Variants in PDE3A observed in about 807,000 individuals in gnomAD.
PDE3A encodes cGMP-inhibited 3',5'-cyclic phosphodiesterase 3A.
A neutral mutation model predicts 98.3 loss-of-function variants in PDE3A; 43 were observed. The ratio of observed to expected loss-of-function variants is 0.44; its 90% CI spans 0.34 to 0.56. The LOEUF (loss-of-function observed/expected upper bound fraction) is 0.56. Among genes scored for constraint, PDE3A ranks in the 20% least tolerant of loss-of-function variants. The probability of loss-of-function intolerance (pLI) is 0.01; values close to 1 mark genes in which losing one functional copy is unlikely to be tolerated. For missense variants in PDE3A, 1,427 were observed against 1,440.7 expected, an observed-to-expected ratio of 0.99 and a Z score of 0.15; for synonymous variants, 663 against 567.9, an observed-to-expected ratio of 1.17 and a Z score of -2.38.
At position 20,441,131 on chromosome 12, in the gene PDE3A, G is replaced by A. The variant is rs187107177; in HGVS notation, c.960+70887G>A. Among the ~76,000 whole-genome samples, 295 of 152,238 alleles carry A rather than the reference G, an allele frequency of 1.9e-3. 3 individuals carry two copies. Among genetic ancestry groups the A allele is most frequent in the African/African-American group, 6.8e-3 (281 of 41,550 alleles). On this transcript the variant is annotated intron_variant, in intron 1 of 15. Coordinates refer to ENST00000359062, the MANE Select transcript of PDE3A (RefSeq NM_000921.5). The stretch of plus-strand genomic sequence containing the variant: ...ACATAAGAAGTAATACTGGTTAAAG[G>A]AAAATAGAACATAATTGAGAAAAAT...
At chr12:20,424,349 C>T (rs372766159) in intron 1 of PDE3A, among the ~76,000 whole-genome samples, 35 of 152,144 alleles carry the variant, frequency 2.3e-4, no homozygotes, top group African/African-American at 7.7e-4. Context: ...TCTTTACCTC[C>T]CCACTGCCCT....
chr12:20,434,460 A>G (rs1202916359), intron 1 of PDE3A, among the ~76,000 whole-genome samples: 4 of 152,128 alleles, frequency 2.6e-5, no homozygotes, highest in Non-Finnish European at 5.9e-5. Context: ...ATGTTTTTAG[A>G]GAGTGTTTGC....
chr12:20,629,576 T>G (rs1321273180), intron 5 of PDE3A, among the ~76,000 whole-genome samples: 1 of 152,202 alleles, frequency 6.6e-6, no homozygotes, highest in Non-Finnish European at 1.5e-5. Flanking sequence ...TTTTAACTAT[T>G]ATTTCCATGT....
Position 20,552,669 on chromosome 12 carries a change from G to GAGC in PDE3A, c.961-3987_961-3985dup. The GAGC allele has an allele frequency of 6.2e-7, 1 of 1,614,008 alleles. No homozygotes were observed. The highest frequency in any genetic ancestry group is 1.6e-4 in the Middle Eastern group (1 of 6,062). On this transcript the variant is annotated intron_variant, in intron 1 of 15. Coordinates refer to ENST00000359062, the MANE Select transcript of PDE3A (RefSeq NM_000921.5). This position sits in a 1 kb window ranked among gnomAD's most constrained non-coding sequence, Gnocchi z 5.1. ...AGCCCTACAGTCTCACGGCCCAGCA[G>GAGC]AGCAGCCTCATCAGAGAGGACAAGA...
intron 1 of PDE3A, among the ~76,000 whole-genome samples, chr12:20,406,198 G>A (rs1260617006): frequency 1.3e-5 from 2 of 152,194 alleles, no homozygotes; most frequent in Non-Finnish European, 2.9e-5. Context: ...AAACATGGGA[G>A]GGCAGATATC....
chr12:20,432,633 A>C (rs1317980402), intron 1 of PDE3A, among the ~76,000 whole-genome samples: 1 of 152,174 alleles, frequency 6.6e-6, no homozygotes, highest in African/African-American at 2.4e-5. Flanking sequence ...AGGTCAAAAA[A>C]AGAGGAAGAG....
At chr12:20,543,711 T>G (rs944260551) in intron 1 of PDE3A, among the ~76,000 whole-genome samples, 1 of 152,038 alleles carries the variant, frequency 6.6e-6, no homozygotes, top group Non-Finnish European at 1.5e-5. Flanking sequence ...TAGAAAGTCA[T>G]AATATATATC....
At chr12:20,380,320 C>T (rs986461749) in intron 1 of PDE3A, among the ~76,000 whole-genome samples, 1 of 151,866 alleles carries the variant, frequency 6.6e-6, no homozygotes, top group Non-Finnish European at 1.5e-5. Context: ...CTAGTTCCAT[C>T]ATGTGGAATG....
At chr12:20,615,054 C>A (rs1382293201) in intron 3 of PDE3A, among the ~76,000 whole-genome samples, 9 of 95,292 alleles carry the variant, frequency 9.4e-5, no homozygotes, top group African/African-American at 2.0e-4. Flanking sequence ...CGGAGTCTTA[C>A]TCTGTTGCTC....
chr12:20,668,200 G>A (rs1191995744), intron 15 of PDE3A, among the ~76,000 whole-genome samples: 5 of 152,110 alleles, frequency 3.3e-5, no homozygotes, highest in African/African-American at 4.8e-5. Flanking sequence ...AGGGTCCTAC[G>A]CCCACAGAGT....
intron 1 of PDE3A, among the ~76,000 whole-genome samples, chr12:20,408,822 T>C (rs142765593): frequency 5.1e-4 from 77 of 152,362 alleles, no homozygotes; most frequent in African/African-American, 1.8e-3. Context: ...AATGCCATGA[T>C]AATATTAAGC....
rs147897369 is a variant in PDE3A, at chr12:20,522,293, A to C, written c.961-34367A>C. ...GTGTTTTTCAAAGTGTGGTTCCCAG[A>C]TCATTAGTATCAGTGTGCTGGGAAT... On this transcript the variant is annotated intron_variant, in intron 1 of 15. Coordinates refer to ENST00000359062, the MANE Select transcript of PDE3A (RefSeq NM_000921.5). Among the ~76,000 whole-genome samples the C allele has an allele frequency of 5.8e-3, 886 of 152,260 alleles. 9 individuals are homozygous for C. Among genetic ancestry groups the C allele is most frequent in the African/African-American group, 0.02 (833 of 41,536 alleles).
intron 15 of PDE3A, among the ~76,000 whole-genome samples, chr12:20,664,329 C>T (rs1454405664): frequency 6.6e-6 from 1 of 152,122 alleles, no homozygotes; most frequent in Non-Finnish European, 1.5e-5. Flanking sequence ...AGTCTAAAAT[C>T]GTCACTTAGA....
At chr12:20,379,404 G>A (rs146092143) in intron 1 of PDE3A, among the ~76,000 whole-genome samples, 113 of 151,918 alleles carry the variant, frequency 7.4e-4, no homozygotes, top group African/African-American at 2.6e-3. Flanking sequence ...CTCTCAGGAA[G>A]TTTGGAAGGG....
Position 20,616,295 on chromosome 12 carries a change from C to G in PDE3A, c.1335C>G (p.Thr445=), listed in dbSNP as rs565901497. The change falls in exon 4 of 16, where the codon ACC becomes ACG. Residue 445 remains threonine (T), a synonymous_variant. Coordinates refer to ENST00000359062, the MANE Select transcript of PDE3A (RefSeq NM_000921.5). ...TTTCTTCCACTTGGACCACCACCAC[C>G]TCGGCCACAGGTCTACCCACCTTGG... ...RRVSSTWTTT[T]SATGLPTLEP... The G allele has an allele frequency of 8.1e-6, 13 of 1,614,050 alleles. No individual in the cohort carries two copies. In the South Asian group the frequency reaches 1.3e-4, roughly 16 times the overall value.
chr12:20,475,751 T>C (rs920792835), intron 1 of PDE3A, among the ~76,000 whole-genome samples: 4 of 152,064 alleles, frequency 2.6e-5, no homozygotes, highest in Admixed American at 1.3e-4. Flanking sequence ...AATCTTGGTA[T>C]GTAATGAACA....
intron 1 of PDE3A, among the ~76,000 whole-genome samples, chr12:20,397,328 A>T (rs1480927330): frequency 2.0e-5 from 3 of 152,048 alleles, no homozygotes; most frequent in Non-Finnish European, 4.4e-5. Flanking sequence ...AGTGCTAGAC[A>T]TGGTATCATG....
chr12:20,675,595 G>A (rs1057360071), intron 15 of PDE3A, among the ~76,000 whole-genome samples: 1 of 152,162 alleles, frequency 6.6e-6, no homozygotes, highest in Non-Finnish European at 1.5e-5. Context: ...GTGTGATACT[G>A]CTTCTCAGCC....
chr12:20,464,209 T>G (rs773679242), intron 1 of PDE3A, among the ~76,000 whole-genome samples: 1 of 152,166 alleles, frequency 6.6e-6, no homozygotes, highest in Non-Finnish European at 1.5e-5. Context: ...ATTGCCCTTA[T>G]TAACATTATA....
Sources: allele counts gnomAD v4.1 joint callset (sites outside exome capture counted in the v4.1 genomes callset), GRCh38; gene constraint gnomAD v4.1.1; non-coding constraint Gnocchi (gnomAD v3.1); transcripts MANE v1.5; gene names NCBI Gene and HGNC (gene_info 2026-07-23, HGNC 2026-07-21).